ZBTB4: variants seen among roughly 807,000 people sequenced by gnomAD.
ZBTB4 encodes zinc finger and BTB domain containing 4.
A neutral mutation model predicts 59.8 loss-of-function variants in ZBTB4; 14 were observed. That is an observed-to-expected ratio of 0.23 (90% CI 0.15 to 0.37). The LOEUF (loss-of-function observed/expected upper bound fraction) is 0.37. Among genes scored for constraint, ZBTB4 ranks in the 10% least tolerant of loss-of-function variants. The pLI, the probability that ZBTB4 is intolerant of heterozygous loss-of-function variation, is 1.00. For synonymous variants in ZBTB4, 587 were observed against 575.2 expected (o/e 1.02, Z -0.29); for missense variants, 1,198 against 1,380.8 (o/e 0.87, Z 2.10).
In ZBTB4 at chr17:7,460,090, G is replaced by C. The variant is rs1166292171; in HGVS notation, c.*1850C>G. 1 of 145,158 alleles carries C rather than the reference G, an allele frequency of 6.9e-6. No homozygotes were observed. The highest frequency in any genetic ancestry group is 1.5e-5 in the Non-Finnish European group (1 of 66,506). The allele number at this position is 145,158 out of a possible 1,614,324, so 9.0% of individuals were successfully genotyped here. A position where few individuals can be genotyped will look rare whatever the true frequency, so the allele number is the denominator to read the frequency against. Reference sequence around the variant, plus strand: ...AGTTTTTCTAAAGTGCCAGAAACAAGATTTGTGGGAATTTTTAGTGATTTT... The same window carrying C: ...AGTTTTTCTAAAGTGCCAGAAACAACATTTGTGGGAATTTTTAGTGATTTT... On this transcript the variant is annotated 3_prime_UTR_variant, in exon 4 of 4. Transcript: ENST00000380599.
chr17:7,468,109 G>A (rs922644944), intron 1 of ZBTB4, among the ~76,000 whole-genome samples: 8 of 152,242 alleles, frequency 5.3e-5, no homozygotes, highest in African/African-American at 1.2e-4. Context: ...GGGGGCTCAC[G>A]CCCGTAATCC....
chr17:7,464,895 G>T (rs2070091972), intron 3 of ZBTB4, among the ~76,000 whole-genome samples: 1 of 149,836 alleles, frequency 6.7e-6, no homozygotes, highest in African/African-American at 2.5e-5. Flanking sequence ...GGTGGCTCAT[G>T]CCTGTAATCT....
At chr17:7,470,282 C>T (rs1365727547) in intron 1 of ZBTB4, among the ~76,000 whole-genome samples, 1 of 151,916 alleles carries the variant, frequency 6.6e-6, no homozygotes, top group Non-Finnish European at 1.5e-5. Context: ...CCTATAGTTC[C>T]AGCTACTCAG....
chr17:7,475,223 C>T (rs1226011267), intron 1 of ZBTB4, among the ~76,000 whole-genome samples: 1 of 151,470 alleles, frequency 6.6e-6, no homozygotes, highest in Admixed American at 6.6e-5. Flanking sequence ...CGCCTGTAAC[C>T]CCAGCTACCC....
upstream of ZBTB4, chr17:7,483,032 G>T: frequency 6.2e-7 from 1 of 1,611,862 alleles, no homozygotes; most frequent in South Asian, 1.1e-5. Flanking sequence ...GGGTTGGGAG[G>T]GACAGGGATA....
intron 1 of ZBTB4, among the ~76,000 whole-genome samples, chr17:7,469,441 T>C (rs1345227816): frequency 6.6e-6 from 1 of 150,428 alleles, no homozygotes; most frequent in Non-Finnish European, 1.5e-5. Flanking sequence ...GCTGGGATTA[T>C]GGGCGTGAGC....
At chr17:7,481,285 A>G, upstream of ZBTB4, 2 of 478,612 alleles carry the variant, frequency 4.2e-6, no homozygotes, top group Non-Finnish European at 6.4e-6. Context: ...AGATGAGATC[A>G]CACCATTGCA....
chr17:7,477,499 T>C (rs1422725520), intron 1 of ZBTB4, among the ~76,000 whole-genome samples: 1 of 152,138 alleles, frequency 6.6e-6, no homozygotes, highest in Non-Finnish European at 1.5e-5. Flanking sequence ...GCACCCTCCC[T>C]TCCCCCACGT....
At position 7,461,834 on chromosome 17, in the gene ZBTB4, C is replaced by T; in HGVS notation, c.*106G>A. ...CTCCAGGGGCCCCCAAGTCCCTGCA[C>T]AAGAGTGTGAAGGGGCTCCCAAGGG... On this transcript the variant is annotated 3_prime_UTR_variant, in exon 4 of 4. Coordinates refer to ENST00000380599, the MANE Select transcript of ZBTB4 (RefSeq NM_001128833.2). 3.7e-6 allele frequency: 4 copies of T among 1,077,464 alleles called. No homozygotes were observed. The highest frequency in any genetic ancestry group is 1.7e-5 in the South Asian group (1 of 59,470). The allele number at this position is 1,077,464 out of a possible 1,614,324, so 66.7% of individuals were successfully genotyped here. A position where few individuals can be genotyped will look rare whatever the true frequency, so the allele number is the denominator to read the frequency against.
chr17:7,465,186 T>C (rs923368901), intron 3 of ZBTB4, among the ~76,000 whole-genome samples: 109 of 125,308 alleles, frequency 8.7e-4, no homozygotes, highest in African/African-American at 2.8e-3. Context: ...ATGCCAGGTG[T>C]GGTGGCTCAC....
chr17:7,473,216 C>T (rs1210448433), intron 1 of ZBTB4, among the ~76,000 whole-genome samples: 1 of 150,768 alleles, frequency 6.6e-6, no homozygotes, highest in Non-Finnish European at 1.5e-5. Context: ...GGGTTCACGC[C>T]ATTCTCCTGC....
chr17:7,464,858 TAAAAA>T (rs919511040), intron 3 of ZBTB4, among the ~76,000 whole-genome samples: 1 of 117,680 alleles, frequency 8.5e-6, no homozygotes, highest in South Asian at 2.7e-4. Context: ...AATGCCGTCT[TAAAAA>T]AAAAAAAATG....
chr17:7,461,936 G>C lies in ZBTB4; in HGVS notation c.*4C>G. 9 of 1,529,040 alleles carry C rather than the reference G, an allele frequency of 5.9e-6. No individual in the cohort carries two copies. The highest frequency in any genetic ancestry group is 1.3e-5 in the South Asian group (1 of 77,292). 94.7% of individuals were successfully genotyped at this position (1,529,040 alleles called of 1,614,324 possible). ...CTGGTGAAAGGGGGATTGAGCCCCA[G>C]GGTTCACCCCACATCGCCCTTCTGG... On this transcript the variant is annotated 3_prime_UTR_variant, in exon 4 of 4. Coordinates refer to ENST00000380599, the MANE Select transcript of ZBTB4 (RefSeq NM_001128833.2).
Position 7,462,910 on chromosome 17 carries a change from C to G in ZBTB4, c.2072G>C (p.Arg691Pro), listed in dbSNP as rs748741166. 6.2e-7 allele frequency: 1 copy of G among 1,609,000 alleles called. No individual in the cohort carries two copies. Among genetic ancestry groups the G allele is most frequent in the African/African-American group, 1.3e-5 (1 of 74,938 alleles). Reference sequence around the variant, plus strand: ...CCTCCAACGTGGTGGCCGGCGGCCTCGGGGCAGCCCACTGCCCCCCACACT... The same window carrying G: ...CCTCCAACGTGGTGGCCGGCGGCCTGGGGGCAGCCCACTGCCCCCCACACT... The part of the protein sequence containing the change: ...GASVGGSGLP[R>P]GRRPPRWRQK... Residue 691 changes from arginine (R) to proline (P), a missense_variant, in exon 4 of 4, where the codon CGA becomes CCA. By Grantham distance (103) the Arg-to-Pro change is moderately radical (BLOSUM62 -2). Transcript: ENST00000380599. The surrounding 1 kb of genome is among the most constrained non-coding windows in gnomAD (Gnocchi z 7.5).
chr17:7,469,866 G>A (rs906592729), intron 1 of ZBTB4, among the ~76,000 whole-genome samples: 1 of 151,690 alleles, frequency 6.6e-6, no homozygotes, highest in East Asian at 1.9e-4. Flanking sequence ...GGTGGATCGC[G>A]AGGTCAAGAG....
intron 1 of ZBTB4, among the ~76,000 whole-genome samples, chr17:7,473,030 C>T (rs1413636324): frequency 6.6e-6 from 1 of 151,436 alleles, no homozygotes; most frequent in East Asian, 1.9e-4. Context: ...TCTTGGCTCA[C>T]TGCAACCTCC....
Position 7,462,935 on chromosome 17 carries a change from T to C in ZBTB4, c.2047A>G (p.Ser683Gly), listed in dbSNP as rs756567568. 3.0e-5 allele frequency: 48 copies of C among 1,609,182 alleles called. No homozygotes were observed. The South Asian group carries it at 4.0e-4, about 13-fold the overall frequency. The stretch of plus-strand genomic sequence containing the variant: ...CGGGGCAGCCCACTGCCCCCCACAC[T>C]GGCACCTCCAGCAGCTCCAGCCTTG... Reference protein sequence around the residue: ...KRKAGAAGGASVGGSGLPRGR... With the variant: ...KRKAGAAGGAGVGGSGLPRGR... The change falls in exon 4 of 4, where the codon AGT becomes GGT. Residue 683 changes from serine (S) to glycine (G), a missense_variant. Coordinates refer to ENST00000380599, the MANE Select transcript of ZBTB4 (RefSeq NM_001128833.2). This position sits in a 1 kb window ranked among gnomAD's most constrained non-coding sequence, Gnocchi z 7.5.
intron 1 of ZBTB4, among the ~76,000 whole-genome samples, chr17:7,470,266 T>G (rs1238747189): frequency 6.6e-6 from 1 of 151,428 alleles, no homozygotes; most frequent in Non-Finnish European, 1.5e-5. Context: ...GGTGTGGTGG[T>G]GTGCACCTAT....
rs1400749744 is a variant in ZBTB4 at position 7,462,022 on chromosome 17, G to A, written c.2960C>T (p.Pro987Leu). 1 of 1,603,422 alleles carries A rather than the reference G, an allele frequency of 6.2e-7. No individual in the cohort carries two copies. Among genetic ancestry groups the A allele is most frequent in the South Asian group, 1.1e-5 (1 of 89,376 alleles). Residue 987 changes from proline to leucine, a missense_variant, in exon 4 of 4, where the codon CCA becomes CTA. Around this residue, in one of 9 missense-constraint regions of ZBTB4, gnomAD observed 211 missense variants for 236.1 expected, o/e 0.89. Transcript: ENST00000380599. The surrounding 1 kb of genome is among the most constrained non-coding windows in gnomAD (Gnocchi z 7.5). ...APPAPPTPPP[P>L]TLPPPIPPKG... Reference sequence around the variant, plus strand: ...AGGGGGAATTGGTGGAGGAAGAGTTGGGGGAGGTGGTGTTGGTGGGGCAGG... The same window carrying A: ...AGGGGGAATTGGTGGAGGAAGAGTTAGGGGAGGTGGTGTTGGTGGGGCAGG...
Sources: gnomAD v4.1 joint callset for allele counts (sites outside exome capture counted in the v4.1 genomes callset) on GRCh38, gnomAD v4.1.1 for gene constraint, gnomAD v4.1.1 regional missense constraint, Gnocchi (gnomAD v3.1) non-coding constraint, MANE v1.5 for transcripts, NCBI Gene and HGNC (gene_info 2026-07-23, HGNC 2026-07-21) for gene names.